The following TMEM19 variants were observed in gnomAD, a reference collection of about 807,000 sequenced individuals.
The protein encoded by TMEM19 is transmembrane protein 19.
TMEM19 carries 21 observed loss-of-function variants against 33.6 expected under a neutral mutation model. That is an observed-to-expected ratio of 0.62 (90% confidence interval 0.44 to 0.90). The LOEUF (loss-of-function observed/expected upper bound fraction) is 0.90. Among genes scored for constraint, TMEM19 ranks in the 40% least tolerant of loss-of-function variants. The probability of loss-of-function intolerance (pLI) is 0.00; values close to 1 mark genes in which losing one functional copy is unlikely to be tolerated. For missense variants in TMEM19, 402 were observed against 401.8 expected (o/e 1.00, Z 0.00); for synonymous variants, 149 against 147.5 (o/e 1.01, Z -0.07).
intron 1 of TMEM19, among the ~76,000 whole-genome samples, chr12:71,688,553 A>G (rs1341498787): frequency 6.6e-6 from 1 of 152,184 alleles, no homozygotes; most frequent in Non-Finnish European, 1.5e-5. Flanking sequence ...TGATAGAAAC[A>G]TAGATACAAG....
intron 5 of TMEM19, among the ~76,000 whole-genome samples, chr12:71,700,025 T>C (rs1035640211): frequency 3.9e-5 from 6 of 152,172 alleles, no homozygotes; most frequent in Admixed American, 3.3e-4. Flanking sequence ...AGGAAGAGGT[T>C]GGAAGGCTAG....
chr12:71,690,644 A>G (rs1881769428), intron 2 of TMEM19, among the ~76,000 whole-genome samples: 1 of 152,234 alleles, frequency 6.6e-6, no homozygotes, highest in Admixed American at 6.5e-5. Context: ...AAATGAAAAG[A>G]TAATTGTAAA....
intron 1 of TMEM19, among the ~76,000 whole-genome samples, chr12:71,687,734 C>T (rs946346684): frequency 6.6e-6 from 1 of 152,196 alleles, no homozygotes; most frequent in East Asian, 1.9e-4. Flanking sequence ...ATATAAGGTA[C>T]TCTGGACTCA....
At chr12:71,700,744 GTA>G (rs1238691831) in intron 5 of TMEM19, 86 bp from the exon 6 acceptor site, 8 of 1,264,470 alleles carry the variant, frequency 6.3e-6, no homozygotes, top group Non-Finnish European at 8.4e-6. Context: ...AGAACTTAAA[GTA>G]TAATAAAAAA....
At chr12:71,700,648 A>G (rs769999718) in intron 5 of TMEM19, among the ~76,000 whole-genome samples, 184 bp from the exon 6 acceptor site, 1 of 152,148 alleles carries the variant, frequency 6.6e-6, no homozygotes, top group Non-Finnish European at 1.5e-5. Context: ...GTCATTTAGC[A>G]AGTCACTTAG....
chr12:71,688,072 G>C (rs979479787), intron 1 of TMEM19, among the ~76,000 whole-genome samples: 2 of 152,142 alleles, frequency 1.3e-5, no homozygotes. Flanking sequence ...GAACTAAATG[G>C]AATAAATCAG....
Position 71,703,187 on chromosome 12 carries a change from C to CAA in TMEM19, c.*2230_*2231dup, listed in dbSNP as rs57148356. 54 of 47,190 alleles carry CAA rather than the reference C, an allele frequency of 1.1e-3. 4 individuals are homozygous for CAA. Among genetic ancestry groups the CAA allele is most frequent in the Non-Finnish European group, 1.5e-3 (29 of 19,696 alleles). 2.9% of individuals were successfully genotyped at this position (47,190 alleles called of 1,614,324 possible). A position where few individuals can be genotyped will look rare whatever the true frequency, so the allele number is the denominator to read the frequency against. On this transcript the variant is annotated 3_prime_UTR_variant, in exon 6 of 6. Coordinates refer to ENST00000266673, the MANE Select transcript of TMEM19 (RefSeq NM_018279.4). The stretch of plus-strand genomic sequence containing the variant: ...GGGAGACTCCATCTAGACTCCATCT[C>CAA]AAAAAAAAAAAAAAAAAAAAAAAAA...
Position 71,686,693 on chromosome 12 carries a change from A to G in TMEM19, c.13A>G (p.Asn5Asp), listed in dbSNP as rs1881694923. The G allele has an allele frequency of 6.2e-7, 1 of 1,610,830 alleles. No homozygotes were observed. The highest frequency in any genetic ancestry group is 8.5e-7 in the Non-Finnish European group (1 of 1,179,406). The change falls in exon 1 of 6, where the codon AAC becomes GAC. Residue 5 changes from asparagine (N) to aspartate (D), a missense_variant. Coordinates refer to ENST00000266673, the MANE Select transcript of TMEM19 (RefSeq NM_018279.4). MTDL[N>D]DNICKRYIKM... ...ATCCTTATTTTCCATGACAGATCTTAACGACAATATATGCAAAAGATATAT... is the reference window on the plus strand; with the variant it reads ...ATCCTTATTTTCCATGACAGATCTTGACGACAATATATGCAAAAGATATAT...
chr12:71,697,226 T>C, intron 3 of TMEM19, 54 bp from the exon 4 acceptor site: 2 of 1,550,512 alleles, frequency 1.3e-6, no homozygotes, highest in Non-Finnish European at 1.7e-6. Flanking sequence ...AACTGCATGG[T>C]TTTTCTTCTA....
intron 1 of TMEM19, among the ~76,000 whole-genome samples, chr12:71,687,776 A>G (rs979418324): frequency 1.3e-5 from 2 of 152,236 alleles, no homozygotes; most frequent in African/African-American, 4.8e-5. Context: ...GCTTTAGAGC[A>G]TAAGCCTCCA....
intron 4 of TMEM19, among the ~76,000 whole-genome samples, chr12:71,697,826 T>G (rs1881901796): frequency 6.6e-6 from 1 of 152,166 alleles, no homozygotes; most frequent in African/African-American, 2.4e-5. Flanking sequence ...CAATAGAATA[T>G]TTATTGAGGG....
At position 71,704,207 on chromosome 12, in the gene TMEM19, G is replaced by T; in HGVS notation, c.*3212G>T. 4.7e-6 allele frequency: 1 copy of T among 210,674 alleles called. No homozygotes were observed. The highest frequency in any genetic ancestry group is 1.0e-5 in the Non-Finnish European group (1 of 99,496). The allele number at this position is 210,674 out of a possible 1,614,324, so 13.1% of individuals were successfully genotyped here. ...AAGAGACCAAAGAATTGATACAGCA[G>T]GTCATTCTATTATTAGCTTTTCTCA... is the stretch of plus-strand genomic sequence containing the variant. On this transcript the variant is annotated 3_prime_UTR_variant, in exon 6 of 6. Coordinates refer to ENST00000266673, the MANE Select transcript of TMEM19 (RefSeq NM_018279.4).
intron 1 of TMEM19, among the ~76,000 whole-genome samples, chr12:71,687,543 C>T (rs1172307157): frequency 6.6e-6 from 1 of 150,974 alleles, no homozygotes; most frequent in Non-Finnish European, 1.5e-5. Context: ...GGCCACAGAG[C>T]GAGAATCCGT....
At position 71,697,343 on chromosome 12, in the gene TMEM19, T is replaced by C; in HGVS notation, c.446T>C (p.Leu149Pro). The stretch of plus-strand genomic sequence containing the variant: ...GCTGTACCCACAGAACTGGCCCTGC[T>C]GTACATGATAGAAAATGGCCCCGGG... Reference protein sequence around the residue: ...NGAVPTELALLYMIENGPGEI... With the variant: ...NGAVPTELALPYMIENGPGEI... Residue 149 changes from leucine (L) to proline (P), a missense_variant, in exon 4 of 6, where the codon CTG becomes CCG. Physicochemically the swap from Leu to Pro is moderately conservative, Grantham distance 98. Transcript: ENST00000266673. 1.2e-6 allele frequency: 2 copies of C among 1,612,236 alleles called. No individual in the cohort carries two copies. Among genetic ancestry groups the C allele is most frequent in the Non-Finnish European group, 1.7e-6 (2 of 1,179,408 alleles).
intron 2 of TMEM19, among the ~76,000 whole-genome samples, chr12:71,693,348 C>T (rs989458042): frequency 5.9e-5 from 9 of 152,024 alleles, no homozygotes; most frequent in Non-Finnish European, 1.0e-4. Flanking sequence ...AGGCACGCGC[C>T]GCCACACCCA....
chr12:71,700,824 C>A lies in TMEM19; in HGVS notation c.848-8C>A. On this transcript the variant is annotated splice_polypyrimidine_tract_variant and splice_region_variant and intron_variant, in intron 5 of 5. Transcript: ENST00000266673. ...TTTCTATCTCACTTGCTTCTTTTTC[C>A]ATTCCAGGGTTGGATGAAAGCACTG... 6.5e-7 allele frequency: 1 copy of A among 1,539,424 alleles called. No individual in the cohort carries two copies. Among genetic ancestry groups the A allele is most frequent in the South Asian group, 1.3e-5 (1 of 78,094 alleles).
At chr12:71,688,453 AC>A (rs1247887282) in intron 1 of TMEM19, among the ~76,000 whole-genome samples, 3 of 151,770 alleles carry the variant, frequency 2.0e-5, no homozygotes, top group East Asian at 1.9e-4. Context: ...TGGGTCTCGA[AC>A]TCCTGACCTC....
chr12:71,700,129 G>A (rs6582049), intron 5 of TMEM19, among the ~76,000 whole-genome samples: 5,861 of 152,196 alleles, frequency 0.039, 377 homozygotes, highest in African/African-American at 0.13. Context: ...CAGAATATTT[G>A]TTCTCCATTT....
rs1198100498 is a variant in TMEM19, at chr12:71,701,246, C to CT, written c.*252dup. The CT allele has an allele frequency of 2.1e-5, 7 of 329,818 alleles. 1 individual carries two copies. The East Asian group carries it at 3.6e-4, about 17-fold the overall frequency. 20.4% of individuals were successfully genotyped at this position (329,818 alleles called of 1,614,324 possible). ...TGAATGGAAGTCTTGAGCAATGAAG[C>CT]TATATTGTCCCTACATATTACTATA... On this transcript the variant is annotated 3_prime_UTR_variant, in exon 6 of 6. Transcript: ENST00000266673.
Sources: gnomAD v4.1 joint callset for allele counts (sites outside exome capture counted in the v4.1 genomes callset) on GRCh38, gnomAD v4.1.1 for gene constraint, MANE v1.5 for transcripts, NCBI Gene and HGNC (gene_info 2026-07-23, HGNC 2026-07-21) for gene names.